Variants in KSR1 observed in about 807,000 individuals in gnomAD.
KSR1 encodes kinase suppressor of ras.
KSR1 carries 35 observed loss-of-function variants against 92.9 expected under a neutral mutation model. The ratio of observed to expected loss-of-function variants is 0.38; its 90% CI spans 0.29 to 0.50. KSR1 has a LOEUF of 0.50. KSR1 is among the 20% of genes least tolerant of loss of function. KSR1 has a pLI of 0.94. For synonymous variants in KSR1, 467 were observed against 472.6 expected (o/e 0.99, Z 0.15); for missense variants, 972 against 1,158.5 (o/e 0.84, Z 2.34).
chr17:27,611,401 C>A, intron 17 of KSR1, 93 bp from the exon 18 acceptor site: 1 of 1,545,844 alleles, frequency 6.5e-7, no homozygotes, highest in Non-Finnish European at 8.8e-7. Context: ...GAGAAGGGTC[C>A]TGATCCTCTG....
intron 1 of KSR1, among the ~76,000 whole-genome samples, chr17:27,546,411 G>A (rs886541287): frequency 6.6e-6 from 1 of 152,206 alleles, no homozygotes; most frequent in Non-Finnish European, 1.5e-5. Context: ...GGGCAGTGCA[G>A]CCTAGTATAT....
At chr17:27,592,702 GCTCA>G in intron 9 of KSR1, 76 bp downstream of exon 9, 2 of 1,235,716 alleles carry the variant, frequency 1.6e-6, no homozygotes, top group Non-Finnish European at 2.3e-6. Flanking sequence ...TGCCTCAGAG[GCTCA>G]GTGGGGAAGT....
intron 6 of KSR1, among the ~76,000 whole-genome samples, chr17:27,590,316 A>G (rs1054402145): frequency 6.6e-6 from 1 of 152,252 alleles, no homozygotes; most frequent in African/African-American, 2.4e-5. Context: ...TTGCACAGAA[A>G]GAGCGTCCTT....
At chr17:27,584,614 A>C (rs1170157244) in intron 4 of KSR1, among the ~76,000 whole-genome samples, 1 of 152,204 alleles carries the variant, frequency 6.6e-6, no homozygotes, top group Admixed American at 6.5e-5. Flanking sequence ...CCATGCTAGA[A>C]GGTGGCAGGG....
intron 10 of KSR1, 194 bp from the exon 11 acceptor site, chr17:27,601,166 G>A: frequency 1.7e-6 from 1 of 588,162 alleles, no homozygotes; most frequent in Non-Finnish European, 3.0e-6. Context: ...GCAGACTCCT[G>A]CCAGGGCCCA....
At chr17:27,604,333 G>C (rs570836260) in intron 12 of KSR1, among the ~76,000 whole-genome samples, 1 of 152,226 alleles carries the variant, frequency 6.6e-6, no homozygotes, top group Non-Finnish European at 1.5e-5. Context: ...CAGCTAGGAA[G>C]CGATAGAGCT....
At chr17:27,619,557 C>T (rs1290144271) in intron 19 of KSR1, among the ~76,000 whole-genome samples, 1 of 151,354 alleles carries the variant, frequency 6.6e-6, no homozygotes, top group Admixed American at 6.6e-5. Context: ...GCTACCACAC[C>T]CGGCTAATTT....
chr17:27,611,434 C>A lies in KSR1; in HGVS notation c.2358-60C>A. The A allele has an allele frequency of 2.5e-6, 4 of 1,609,180 alleles. No homozygotes were observed. The African/African-American group carries it at 4.0e-5, about 16-fold the overall frequency. ...CTGGCTGGGCTATGGCTCAAGGGCC[C>A]CTGGGCTTGAGCTGGGCACAGCGGC... On this transcript the variant is annotated intron_variant, in intron 17 of 20. Coordinates refer to ENST00000644974, the MANE Select transcript of KSR1 (RefSeq NM_001394583.1).
At chr17:27,603,301 G>T (rs1226599248) in intron 11 of KSR1, among the ~76,000 whole-genome samples, 1 of 152,224 alleles carries the variant, frequency 6.6e-6, no homozygotes, top group East Asian at 1.9e-4. Context: ...GAGGGCTCGG[G>T]GCCTCTGTGC....
chr17:27,518,756 C>G (rs902314896), intron 1 of KSR1, among the ~76,000 whole-genome samples: 2 of 152,188 alleles, frequency 1.3e-5, no homozygotes, highest in African/African-American at 4.8e-5. Context: ...GGTGGACACT[C>G]CCTAGACCCT....
intron 1 of KSR1, among the ~76,000 whole-genome samples, chr17:27,463,983 C>T (rs1245731723): frequency 6.6e-6 from 1 of 152,126 alleles, no homozygotes; most frequent in African/African-American, 2.4e-5. Flanking sequence ...ACTGACTTGC[C>T]AGGAACCCCT....
chr17:27,528,058 C>T (rs1261325434), intron 1 of KSR1, among the ~76,000 whole-genome samples: 1 of 152,006 alleles, frequency 6.6e-6, no homozygotes, highest in African/African-American at 2.4e-5. Flanking sequence ...TAAGTTAATG[C>T]ATTTATTTTG....
intron 9 of KSR1, among the ~76,000 whole-genome samples, chr17:27,595,663 A>G (rs933384270): frequency 8.6e-6 from 1 of 115,870 alleles, no homozygotes; most frequent in African/African-American, 3.4e-5. Context: ...CTAGTGCAGC[A>G]GCCCTCCCTT....
chr17:27,469,426 A>G (rs2019863803), intron 1 of KSR1, among the ~76,000 whole-genome samples: 1 of 152,154 alleles, frequency 6.6e-6, no homozygotes, highest in Non-Finnish European at 1.5e-5. Context: ...TATGGGAAAG[A>G]GCCCCTCAAG....
intron 5 of KSR1, chr17:27,587,758 G>C (rs1266288217): frequency 6.6e-6 from 1 of 152,330 alleles, no homozygotes; most frequent in African/African-American, 2.4e-5. Context: ...CTGTTCTTAC[G>C]GGGAATCCCA....
chr17:27,538,377 G>A (rs2070828356), intron 1 of KSR1, among the ~76,000 whole-genome samples: 1 of 152,214 alleles, frequency 6.6e-6, no homozygotes. Context: ...ACTGCAGCTT[G>A]TCTGTTTTCA....
Position 27,526,094 on chromosome 17 carries a change from T to TTCTTTCTCTC in KSR1, c.232-24471_232-24470insTTCTCTCTCT, listed in dbSNP as rs55706224. On this transcript the variant is annotated intron_variant, in intron 1 of 20. Coordinates refer to ENST00000644974, the MANE Select transcript of KSR1 (RefSeq NM_001394583.1). Reference sequence around the variant, plus strand: ...TCTCTTTCTTTCTTTCTTTCTTTCTTTCTCTCTCTCTCTCTCTCTCTCTCA... The same window carrying TTCTTTCTCTC: ...TCTCTTTCTTTCTTTCTTTCTTTCTTTCTTTCTCTCTCTCTCTCTCTCTCTCTCTCTCTCA... Among the ~76,000 whole-genome samples, 340 of 118,468 alleles carry TTCTTTCTCTC rather than the reference T, an allele frequency of 2.9e-3. 10 individuals are homozygous for TTCTTTCTCTC. Among genetic ancestry groups the TTCTTTCTCTC allele is most frequent in the Middle Eastern group, 0.013 (3 of 236 alleles). The allele number at this position is 118,468 out of a possible 152,430, so 77.7% of individuals were successfully genotyped here. A position where few individuals can be genotyped will look rare whatever the true frequency, so the allele number is the denominator to read the frequency against.
chr17:27,577,385 G>T lies in KSR1; in HGVS notation c.373-107G>T. 1.5e-6 allele frequency: 1 copy of T among 683,634 alleles called. No individual in the cohort carries two copies. The highest frequency in any genetic ancestry group is 2.5e-6 in the Non-Finnish European group (1 of 406,310). 42.3% of individuals were successfully genotyped at this position (683,634 alleles called of 1,614,324 possible). ...GTGGCTCTGGTCAGAGGCCGGCCCA[G>T]CCAGCAGCTGGCCCCTGCCACTCAG... On this transcript the variant is annotated intron_variant, in intron 2 of 20. Transcript: ENST00000644974. The surrounding 1 kb of genome is among the most constrained non-coding windows in gnomAD (Gnocchi z 4.5).
intron 2 of KSR1, chr17:27,558,268 C>CTTTTTTTTTT (rs35172937): frequency 1.4e-5 from 2 of 142,052 alleles, no homozygotes; most frequent in Non-Finnish European, 1.5e-5. Context: ...CCTTCTCTCT[C>CTTTTTTTTTT]TTTTTTTTTT....
Sources: gnomAD v4.1 joint callset for allele counts (sites outside exome capture counted in the v4.1 genomes callset) on GRCh38, gnomAD v4.1.1 for gene constraint, Gnocchi (gnomAD v3.1) non-coding constraint, MANE v1.5 for transcripts, NCBI Gene and HGNC (gene_info 2026-07-23, HGNC 2026-07-21) for gene names.